SLC71A2: variants seen among roughly 807,000 people sequenced by gnomAD.
SLC71A2 encodes the protein solute carrier family 71 member 2.
At chr9:94,405,368 GCC>G in the SLC71A2 span, among the ~76,000 whole-genome samples, 1 of 151,958 alleles carries the variant, frequency 6.6e-6, no homozygotes, top group Admixed American at 6.6e-5. Flanking sequence ...GGTGGCGGGC[GCC>G]TGTAGTCCCA....
chr9:94,410,131 T>C, the SLC71A2 span, among the ~76,000 whole-genome samples: 1 of 151,902 alleles, frequency 6.6e-6, no homozygotes, highest in Non-Finnish European at 1.5e-5. Flanking sequence ...AGTCTCACTT[T>C]GTGGCCCAGG....
chr9:94,453,587 A>AT, the SLC71A2 span, among the ~76,000 whole-genome samples: 1 of 152,190 alleles, frequency 6.6e-6, no homozygotes, highest in African/African-American at 2.4e-5. Context: ...TATTCTGTAA[A>AT]TGTTCAGCAG....
the SLC71A2 span, among the ~76,000 whole-genome samples, chr9:94,418,054 G>A: frequency 6.6e-6 from 1 of 152,006 alleles, no homozygotes; most frequent in Non-Finnish European, 1.5e-5. Flanking sequence ...ACGACGGGAG[G>A]GTTTCACCAT....
chr9:94,428,599 C>G, the SLC71A2 span, among the ~76,000 whole-genome samples: 29 of 141,880 alleles, frequency 2.0e-4, 1 homozygote, highest in South Asian at 1.1e-3. Flanking sequence ...TACCCCCCCC[C>G]CTTTTTTTTT....
the SLC71A2 span, among the ~76,000 whole-genome samples, chr9:94,386,625 A>T: frequency 1.3e-5 from 2 of 151,494 alleles, no homozygotes; most frequent in Non-Finnish European, 2.9e-5. Flanking sequence ...TTCTGCCTTG[A>T]TCTCCATTAG....
the SLC71A2 span, among the ~76,000 whole-genome samples, chr9:94,418,703 G>A: frequency 4.0e-5 from 6 of 151,522 alleles, no homozygotes; most frequent in South Asian, 1.2e-3. Flanking sequence ...GCCTCCCAAA[G>A]TGCTGAGATT....
the SLC71A2 span, among the ~76,000 whole-genome samples, chr9:94,388,122 G>A: frequency 1.8e-3 from 226 of 127,204 alleles, no homozygotes; most frequent in African/African-American, 6.7e-3. Context: ...GATCTGTAGC[G>A]TGGTAATATG....
the SLC71A2 span, among the ~76,000 whole-genome samples, chr9:94,425,904 A>G: frequency 6.6e-6 from 1 of 152,118 alleles, no homozygotes; most frequent in Admixed American, 6.6e-5. Context: ...CGGTTAAGTT[A>G]GATCTTTCAC....
At chr9:94,426,829 T>G in the SLC71A2 span, among the ~76,000 whole-genome samples, 3 of 152,194 alleles carry the variant, frequency 2.0e-5, no homozygotes, top group African/African-American at 7.2e-5. Context: ...GTTATTTTTA[T>G]TTATTTATTT....
chr9:94,453,498 T>C, the SLC71A2 span, among the ~76,000 whole-genome samples: 1 of 152,216 alleles, frequency 6.6e-6, no homozygotes, highest in African/African-American at 2.4e-5. Context: ...CAACTAGTTA[T>C]ATTTAGCAGA....
At chr9:94,458,352 G>A in the SLC71A2 span, 1 of 1,612,472 alleles carries the variant, frequency 6.2e-7, no homozygotes, top group Non-Finnish European at 8.5e-7. Context: ...ACTGGAATAA[G>A]AGGACTATGC....
chr9:94,429,278 T>C, the SLC71A2 span: 2 of 1,569,418 alleles, frequency 1.3e-6, no homozygotes, highest in Non-Finnish European at 1.7e-6. Context: ...ATGTGGTTTG[T>C]AATGAACCAA....
At chr9:94,444,859 C>T in the SLC71A2 span, 2 of 1,009,390 alleles carry the variant, frequency 2.0e-6, no homozygotes, top group East Asian at 2.4e-5. Context: ...GTTGAGTGTG[C>T]TTTCCTGAAG....
the SLC71A2 span, among the ~76,000 whole-genome samples, chr9:94,442,408 CCTT>C: frequency 6.6e-6 from 1 of 152,156 alleles, no homozygotes; most frequent in Admixed American, 6.5e-5. Flanking sequence ...CTCTCTCTCT[CCTT>C]GCTTCTTCCC....
the SLC71A2 span, among the ~76,000 whole-genome samples, chr9:94,452,015 T>C: frequency 3.9e-5 from 6 of 152,182 alleles, no homozygotes; most frequent in Admixed American, 3.9e-4. Context: ...TGCCATTTAG[T>C]GTTTTCTCAG....
the SLC71A2 span, among the ~76,000 whole-genome samples, chr9:94,455,156 CTTTTTT>C: frequency 3.6e-5 from 1 of 27,686 alleles, no homozygotes; most frequent in Non-Finnish European, 5.7e-5. Context: ...TTGCTCTTTC[CTTTTTT>C]TTTTTTTTTT....
chr9:94,415,435 C>T, the SLC71A2 span, among the ~76,000 whole-genome samples: 1 of 151,802 alleles, frequency 6.6e-6, no homozygotes, highest in African/African-American at 2.4e-5. Flanking sequence ...CACAAAACAC[C>T]TCTTTAAATA....
the SLC71A2 span, chr9:94,459,572 G>C: frequency 2.3e-5 from 11 of 480,508 alleles, no homozygotes; most frequent in Non-Finnish European, 3.9e-5. Context: ...TCCTCCTCCT[G>C]TTTTTTTTTT....
the SLC71A2 span, among the ~76,000 whole-genome samples, chr9:94,445,770 A>G: frequency 0.025 from 3,784 of 149,926 alleles, 57 homozygotes; most frequent in Non-Finnish European, 0.038. Context: ...GTTCTTGGGG[A>G]AAAAAAAAGT....
Sources: gnomAD v4.1 joint callset for allele counts (sites outside exome capture counted in the v4.1 genomes callset) on GRCh38, gnomAD v4.1.1 for gene constraint, MANE v1.5 for transcripts, NCBI Gene and HGNC (gene_info 2026-07-23, HGNC 2026-07-21) for gene names.